CDON: variants seen among roughly 807,000 people sequenced by gnomAD.
CDON encodes cell adhesion molecule-related/down-regulated by oncogenes.
Under a neutral mutation model 120.9 loss-of-function variants are expected in CDON, and 73 were observed. That is an observed-to-expected ratio of 0.60 (90% CI 0.50 to 0.73). The LOEUF is 0.73. CDON is among the 30% of genes least tolerant of loss of function. CDON has a pLI of 0.00. For synonymous variants in CDON, 566 were observed against 573.5 expected (o/e 0.99, Z 0.19); for missense variants, 1,470 against 1,587.3 (o/e 0.93, Z 1.26).
intron 2 of CDON, 36 bp from the exon 3 acceptor site, chr11:126,021,556 G>C (rs778930862): frequency 6.3e-6 from 10 of 1,591,792 alleles, no homozygotes; most frequent in Non-Finnish European, 7.7e-6. Context: ...AAAGAAAGCA[G>C]GGGAGAAAAG....
At chr11:126,030,029 A>G (rs904018512) in intron 1 of CDON, among the ~76,000 whole-genome samples, 1 of 152,154 alleles carries the variant, frequency 6.6e-6, no homozygotes, top group Non-Finnish European at 1.5e-5. Flanking sequence ...CCAAAGTCCA[A>G]ATGTCACTAA....
chr11:126,055,914 G>T (rs547366146), intron 1 of CDON, among the ~76,000 whole-genome samples: 1 of 152,154 alleles, frequency 6.6e-6, no homozygotes, highest in Non-Finnish European at 1.5e-5. Context: ...CCAGCAAGTC[G>T]AGGCAATCTC....
chr11:125,984,061 C>T lies in CDON; in HGVS notation c.2806G>A (p.Val936Ile), dbSNP rs1275388799. Residue 936 changes from valine to isoleucine, a missense_variant, in exon 16 of 20, where the codon GTC becomes ATC. Val to Ile is a conservative substitution (Grantham distance 29, BLOSUM62 3). Coordinates refer to ENST00000531738, the MANE Select transcript of CDON (RefSeq NM_001378964.1). ...KRVPGASEYP[V>I]KDLSTPPNSL... is the part of the protein sequence containing the mutation. ...TTTGGAGGGGTACTCAAGTCTTTGA[C>T]AGGATATTCAGAAGCTCCAGGAACA... 6.2e-7 allele frequency: 1 copy of T among 1,613,602 alleles called. No homozygotes were observed. The highest frequency in any genetic ancestry group is 8.5e-7 in the Non-Finnish European group (1 of 1,179,674).
At chr11:126,028,369 A>C (rs1947851742) in intron 1 of CDON, among the ~76,000 whole-genome samples, 1 of 149,978 alleles carries the variant, frequency 6.7e-6, no homozygotes, top group Non-Finnish European at 1.5e-5. Context: ...TCCTTATTAA[A>C]ATTCTTTTTT....
intron 16 of CDON, among the ~76,000 whole-genome samples, chr11:125,982,309 G>A (rs1591563129): frequency 6.6e-6 from 1 of 152,216 alleles, no homozygotes. Context: ...ACAAATGACT[G>A]CCTCAAAACT....
rs562783693 is a variant in CDON at position 125,981,415 on chromosome 11, C to T, written c.2996-86G>A. On this transcript the variant is annotated intron_variant, in intron 16 of 19. Transcript: ENST00000531738. ...ATACGCACACACGCATGCACACATG[C>T]ACATACGCACACACGCACACACGCA... 2.7e-5 allele frequency: 36 copies of T among 1,354,518 alleles called. No individual in the cohort carries two copies. In the African/African-American group the frequency reaches 4.8e-4, roughly 18 times the overall value. 83.9% of individuals were successfully genotyped at this position (1,354,518 alleles called of 1,614,324 possible).
chr11:125,964,662 G>A (rs1204103096), intron 18 of CDON, among the ~76,000 whole-genome samples: 1 of 151,732 alleles, frequency 6.6e-6, no homozygotes, highest in African/African-American at 2.4e-5. Context: ...TCTAAGAAAA[G>A]ATAAAAGACA....
intron 1 of CDON, among the ~76,000 whole-genome samples, chr11:126,047,242 G>A (rs1010958187): frequency 2.0e-5 from 3 of 152,156 alleles, no homozygotes; most frequent in Non-Finnish European, 2.9e-5. Context: ...GATGGAGGGG[G>A]AAAGGGAGAG....
chr11:125,967,174 C>T (rs1945827675), intron 18 of CDON, among the ~76,000 whole-genome samples: 1 of 152,056 alleles, frequency 6.6e-6, no homozygotes, highest in African/African-American at 2.4e-5. Flanking sequence ...AAGAAAACAA[C>T]ACAAAACACT....
intron 2 of CDON, 148 bp downstream of exon 2, chr11:126,023,253 G>T (rs1379583302): frequency 3.9e-6 from 3 of 766,110 alleles, no homozygotes; most frequent in African/African-American, 1.7e-5. Flanking sequence ...TTAATTTATC[G>T]AGTTTTTAAA....
rs545691494 is a variant in CDON, at chr11:125,992,581, C to A, written c.2650+1703G>T. Reference sequence around the variant, plus strand: ...CTAAGAGCACAGAATAGTTTTGGCACTAAAAGTTATGGCAGAAAAGAAACA... The same window carrying A: ...CTAAGAGCACAGAATAGTTTTGGCAATAAAAGTTATGGCAGAAAAGAAACA... On this transcript the variant is annotated intron_variant, in intron 14 of 19. Coordinates refer to ENST00000531738, the MANE Select transcript of CDON (RefSeq NM_001378964.1). 3.9e-5 allele frequency among the ~76,000 whole-genome samples: 6 copies of A among 152,220 alleles called. No individual in the cohort carries two copies. The South Asian group carries it at 1.2e-3, about 32-fold the overall frequency.
At chr11:125,971,671 T>C (rs78894131) in intron 18 of CDON, among the ~76,000 whole-genome samples, 2 of 152,292 alleles carry the variant, frequency 1.3e-5, no homozygotes, top group East Asian at 3.9e-4. Context: ...TATATAATTT[T>C]TCCAAGCTGA....
chr11:126,017,443 T>C (rs1947503894), intron 5 of CDON, 68 bp from the exon 6 acceptor site: 1 of 1,450,714 alleles, frequency 6.9e-7, no homozygotes, highest in Non-Finnish European at 9.6e-7. Context: ...TTAGCAAACC[T>C]GTGGGCATCA....
Position 126,017,179 on chromosome 11 carries a change from G to T in CDON, c.837C>A (p.Ser279Arg), listed in dbSNP as rs776831132. The T allele has an allele frequency of 6.2e-7, 1 of 1,614,090 alleles. No individual in the cohort carries two copies. Among genetic ancestry groups the T allele is most frequent in the Admixed American group, 1.7e-5 (1 of 60,014 alleles). The stretch of plus-strand genomic sequence containing the variant: ...AGTTTCCGGAGTCCGCCGGGTCAAC[G>T]CTATCAGTGGCAAGATGAGAATACA... ...RRLYSHLATDSVDPADSGNYS... is the reference protein window; with the variant it reads ...RRLYSHLATDRVDPADSGNYS... Residue 279 changes from serine to arginine, a missense_variant, in exon 6 of 20, where the codon AGC becomes AGA. Transcript: ENST00000531738.
rs2134707762 is a variant in CDON, at chr11:126,023,451, C to CATA, written c.23_25dup (p.Leu8dup). ...TGTAAGAGTAACATACAGCAGTGTA[C>CATA]ATAAGGGTCCAAGATCCGGATGCAT... On this transcript the variant is annotated inframe_insertion, in exon 2 of 20. Transcript: ENST00000531738. 6.2e-7 allele frequency: 1 copy of CATA among 1,613,336 alleles called. No individual in the cohort carries two copies. Among genetic ancestry groups the CATA allele is most frequent in the South Asian group, 1.1e-5 (1 of 91,048 alleles).
intron 1 of CDON, among the ~76,000 whole-genome samples, chr11:126,026,470 T>C (rs7935585): frequency 0.1 from 15,322 of 152,230 alleles, 807 homozygotes; most frequent in Admixed American, 0.13. Context: ...GAAAGGTTAA[T>C]GCTAACCATT....
intron 1 of CDON, among the ~76,000 whole-genome samples, chr11:126,026,571 T>C (rs976336750): frequency 6.6e-6 from 1 of 152,208 alleles, no homozygotes; most frequent in South Asian, 2.1e-4. Flanking sequence ...TCACCTTCTC[T>C]ATGCCAAGTA....
chr11:126,033,372 G>A (rs902720879), intron 1 of CDON, among the ~76,000 whole-genome samples: 8 of 152,092 alleles, frequency 5.3e-5, no homozygotes, highest in African/African-American at 1.7e-4. Context: ...GATTTGGGTC[G>A]CAGATGACAC....
intron 1 of CDON, among the ~76,000 whole-genome samples, chr11:126,049,904 CGTTAACTTCTTTACATATAATTGGAAAGG>C (rs1948513433): frequency 6.6e-6 from 1 of 152,154 alleles, no homozygotes; most frequent in Admixed American, 6.5e-5. Context: ...ACATCCTCCT[CGTTAACTTCTTTACATATAATTGGAAAGG>C]GCTTTCATAC....
Sources: allele counts gnomAD v4.1 joint callset (sites outside exome capture counted in the v4.1 genomes callset), GRCh38; gene constraint gnomAD v4.1.1; transcripts MANE v1.5; gene names NCBI Gene and HGNC (gene_info 2026-07-23, HGNC 2026-07-21).